DLGAP2: variants seen among roughly 807,000 people sequenced by gnomAD.
The protein encoded by DLGAP2 is DLG associated protein 2, also known as disks large-associated protein 2.
In DLGAP2, 26 loss-of-function variants were observed where a neutral mutation model predicts 100.3. The observed-to-expected ratio is 0.26, with a 90% CI of 0.19 to 0.36. The LOEUF is 0.36. Ranked by LOEUF, DLGAP2 falls within the 10% of genes least tolerant of loss-of-function variation. The probability of loss-of-function intolerance (pLI) is 1.00; values close to 1 mark genes in which losing one functional copy is unlikely to be tolerated. For synonymous variants in DLGAP2, 886 were observed against 630.1 expected, an observed-to-expected ratio of 1.41 and a Z score of -6.08; for missense variants, 1,858 against 1,453.2, an observed-to-expected ratio of 1.28 and a Z score of -4.53.
intron 3 of DLGAP2, among the ~76,000 whole-genome samples, chr8:1,304,701 A>G (rs1299647985): frequency 6.6e-6 from 1 of 152,220 alleles, no homozygotes; most frequent in East Asian, 1.9e-4. Context: ...AGAATGAAGG[A>G]AGATGATCGA....
chr8:1,565,606 T>A, intron 5 of DLGAP2, 77 bp from the exon 6 acceptor site: 1 of 1,174,264 alleles, frequency 8.5e-7, no homozygotes, highest in Non-Finnish European at 1.2e-6. Context: ...TTGTAGAGGA[T>A]TTGTTTCCAA....
chr8:800,663 CAT>C (rs938481594), intron 1 of DLGAP2, among the ~76,000 whole-genome samples: 4 of 152,026 alleles, frequency 2.6e-5, no homozygotes, highest in Non-Finnish European at 5.9e-5. Context: ...CATGCGTGTG[CAT>C]GTGTGTACAT....
chr8:1,163,116 G>A (rs996107128), intron 2 of DLGAP2, among the ~76,000 whole-genome samples: 3 of 152,188 alleles, frequency 2.0e-5, no homozygotes, highest in African/African-American at 7.2e-5. Flanking sequence ...GTGATCGTGT[G>A]TCTTGTCCCC....
At chr8:953,149 T>C (rs1346047320) in intron 2 of DLGAP2, among the ~76,000 whole-genome samples, 1 of 152,220 alleles carries the variant, frequency 6.6e-6, no homozygotes, top group Non-Finnish European at 1.5e-5. Flanking sequence ...GCTTCCTGGC[T>C]CATGGTGTTA....
intron 2 of DLGAP2, among the ~76,000 whole-genome samples, chr8:945,353 T>G (rs1799292728): frequency 6.6e-6 from 1 of 152,322 alleles, no homozygotes; most frequent in East Asian, 1.9e-4. Context: ...GTCATTGGCC[T>G]ATGGAGAAAG....
chr8:1,300,729 C>G (rs958237851), intron 3 of DLGAP2: 13 of 152,260 alleles, frequency 8.5e-5, no homozygotes, highest in South Asian at 2.1e-4. Context: ...TTTTCTGAGA[C>G]TGCACCATGA....
chr8:1,045,394 T>C (rs1802487490), intron 2 of DLGAP2, among the ~76,000 whole-genome samples: 2 of 152,250 alleles, frequency 1.3e-5, no homozygotes, highest in East Asian at 3.8e-4. Context: ...AAATTGTATA[T>C]GTCTATGGTA....
intron 1 of DLGAP2, among the ~76,000 whole-genome samples, chr8:806,862 C>T (rs1424594305): frequency 3.9e-5 from 6 of 152,110 alleles, no homozygotes; most frequent in Admixed American, 2.6e-4. Context: ...AAATTATCAC[C>T]GATACAAATG....
At chr8:1,618,006 AG>A (rs1204540814) in intron 6 of DLGAP2, among the ~76,000 whole-genome samples, 2 of 152,256 alleles carry the variant, frequency 1.3e-5, no homozygotes, top group South Asian at 2.1e-4. Context: ...GTCAACATTA[AG>A]GGTGCAACAT....
intron 1 of DLGAP2, among the ~76,000 whole-genome samples, chr8:887,676 T>C (rs1223045431): frequency 6.6e-6 from 1 of 152,222 alleles, no homozygotes; most frequent in African/African-American, 2.4e-5. Context: ...AAAATTCCTT[T>C]CTTTAAGAAT....
At chr8:854,641 G>A (rs999097323) in intron 1 of DLGAP2, among the ~76,000 whole-genome samples, 7 of 152,174 alleles carry the variant, frequency 4.6e-5, no homozygotes, top group Non-Finnish European at 8.8e-5. Context: ...GTCTTTTTGT[G>A]TGTGCATGTG....
intron 8 of DLGAP2, among the ~76,000 whole-genome samples, chr8:1,636,657 A>T (rs1278590954): frequency 6.6e-6 from 1 of 152,186 alleles, no homozygotes; most frequent in East Asian, 1.9e-4. Flanking sequence ...TGTCACAAAG[A>T]GTGGATTTTC....
chr8:1,010,766 T>A (rs929791515), intron 2 of DLGAP2, among the ~76,000 whole-genome samples: 1 of 152,242 alleles, frequency 6.6e-6, no homozygotes, highest in African/African-American at 2.4e-5. Flanking sequence ...CTAAGTGTCT[T>A]GAAGACTTTT....
At chr8:1,473,594 G>A (rs535413100) in intron 3 of DLGAP2, among the ~76,000 whole-genome samples, 1 of 152,310 alleles carries the variant, frequency 6.6e-6, no homozygotes, top group East Asian at 1.9e-4. Flanking sequence ...AGCGAGCTTT[G>A]GGGTGATGGG....
chr8:1,343,458 C>T (rs983292938), intron 3 of DLGAP2, among the ~76,000 whole-genome samples: 2 of 152,158 alleles, frequency 1.3e-5, no homozygotes, highest in Non-Finnish European at 2.9e-5. Context: ...AGCCTAGATG[C>T]CTGGTCTCCA....
chr8:1,681,691 A>G (rs919376404), intron 12 of DLGAP2, among the ~76,000 whole-genome samples: 4 of 152,222 alleles, frequency 2.6e-5, no homozygotes, highest in African/African-American at 7.2e-5. Flanking sequence ...CCCTGAACAC[A>G]TATGATATGT....
intron 8 of DLGAP2, among the ~76,000 whole-genome samples, chr8:1,654,989 A>G (rs1451441769): frequency 6.6e-6 from 1 of 152,248 alleles, no homozygotes; most frequent in African/African-American, 2.4e-5. Flanking sequence ...TTTCAATGGA[A>G]ACAGGAAGTG....
chr8:1,248,728 A>T (rs991268315), intron 2 of DLGAP2: 1 of 152,722 alleles, frequency 6.5e-6, no homozygotes, highest in Non-Finnish European at 1.5e-5. Flanking sequence ...GGAGTGGCGG[A>T]TGCCCCATAG....
chr8:1,259,418 G>C (rs1799299596), intron 3 of DLGAP2, among the ~76,000 whole-genome samples: 2 of 152,182 alleles, frequency 1.3e-5, no homozygotes, highest in African/African-American at 4.8e-5. Flanking sequence ...TTGACTGTTT[G>C]GAACTAGTGA....
Sources: gnomAD v4.1 joint callset for allele counts (sites outside exome capture counted in the v4.1 genomes callset) on GRCh38, gnomAD v4.1.1 for gene constraint, MANE v1.5 for transcripts, NCBI Gene and HGNC (gene_info 2026-07-23, HGNC 2026-07-21) for gene names.